Variants in TRAF3IP1 observed in about 807,000 individuals in gnomAD.
TRAF3IP1 encodes the protein TRAF3-interacting protein 1.
In TRAF3IP1, 53 loss-of-function variants were observed where a neutral mutation model predicts 89.9. The observed-to-expected ratio is 0.59, with a 90% CI of 0.47 to 0.74. The LOEUF is 0.74. TRAF3IP1 is among the 30% of genes least tolerant of loss of function. The pLI is 0.00. For synonymous variants in TRAF3IP1, 311 were observed against 322.1 expected, an observed-to-expected ratio of 0.97 and a Z score of 0.37; for missense variants, 806 against 866.1, an observed-to-expected ratio of 0.93 and a Z score of 0.87.
intron 9 of TRAF3IP1, among the ~76,000 whole-genome samples, chr2:238,346,109 G>A (rs144843052): frequency 6.6e-6 from 1 of 152,120 alleles, no homozygotes; most frequent in Non-Finnish European, 1.5e-5. Flanking sequence ...TGTGTCTGCT[G>A]CCTGCCCCCA....
chr2:238,326,471 C>T lies in TRAF3IP1; in HGVS notation c.354+501C>T, dbSNP rs1343347366. ...CCTCTCTCTCTTCCACCTTTTCTCT[C>T]TCTCTCGGTTGCTGTTTCAGTTGTA... On this transcript the variant is annotated intron_variant, in intron 3 of 16. Transcript: ENST00000373327. Among the ~76,000 whole-genome samples the T allele has an allele frequency of 2.6e-5, 4 of 152,122 alleles. No homozygotes were observed. In the South Asian group the frequency reaches 8.3e-4, roughly 32 times the overall value.
At chr2:238,333,913 G>A (rs1167573485) in intron 6 of TRAF3IP1, 47 bp from the exon 7 acceptor site, 23 of 1,448,378 alleles carry the variant, frequency 1.6e-5, no homozygotes, top group Non-Finnish European at 2.1e-5. Flanking sequence ...TTATGATACT[G>A]CTGTGTAATA....
At chr2:238,339,307 G>A (rs1698527890) in intron 8 of TRAF3IP1, among the ~76,000 whole-genome samples, 1 of 152,226 alleles carries the variant, frequency 6.6e-6, no homozygotes, top group South Asian at 2.1e-4. Flanking sequence ...CAGTAGCATG[G>A]GATGGCGGAG....
Position 238,338,383 on chromosome 2 carries a change from C to T in TRAF3IP1, c.1085C>T (p.Ser362Leu), listed in dbSNP as rs776946849. Residue 362 changes from serine (S) to leucine (L), a missense_variant, in exon 8 of 17, where the codon TCA becomes TTA. Ser to Leu is a moderately radical substitution (Grantham distance 145). Transcript: ENST00000373327. ...SVEGRKEDNI[S>L]AKSLDSIVSG... The stretch of plus-strand genomic sequence containing the variant: ...TCAGGAAGGAAGGAGGATAATATTT[C>T]AGCTAAAAGTTTAGACTCCATAGTG... The T allele has an allele frequency of 6.3e-7, 1 of 1,584,570 alleles. No individual in the cohort carries two copies. Among genetic ancestry groups the T allele is most frequent in the Non-Finnish European group, 8.6e-7 (1 of 1,164,584 alleles).
In TRAF3IP1 at chr2:238,379,238, T is replaced by TAG. The variant is rs1700449130; in HGVS notation, c.1690-18221_1690-18220insAG. On this transcript the variant is annotated intron_variant, in intron 15 of 16. Coordinates refer to ENST00000373327, the MANE Select transcript of TRAF3IP1 (RefSeq NM_015650.4). The surrounding 1 kb of genome is among the most constrained non-coding windows in gnomAD (Gnocchi z 4.0). ...AAGTCCCTGCCCACGAGTCTCCTCT[T>TAG]CAGAGAGGCCTTTCCTGTCCACCTA... 6.6e-6 allele frequency among the ~76,000 whole-genome samples: 1 copy of TAG among 152,158 alleles called. No individual in the cohort carries two copies. The highest frequency in any genetic ancestry group is 1.5e-5 in the Non-Finnish European group (1 of 68,020).
rs1456066125 is a variant in TRAF3IP1, at chr2:238,345,972, T to C, written c.1261+1374T>C. ...AGGTAGAGAGTTCACTGTGCTGACTTTCCTTCTGGGTATCGGCCTTGTGGT... is the reference window on the plus strand; with the variant it reads ...AGGTAGAGAGTTCACTGTGCTGACTCTCCTTCTGGGTATCGGCCTTGTGGT... On this transcript the variant is annotated intron_variant, in intron 9 of 16. Coordinates refer to ENST00000373327, the MANE Select transcript of TRAF3IP1 (RefSeq NM_015650.4). The surrounding 1 kb of genome is among the most constrained non-coding windows in gnomAD (Gnocchi z 4.7). Among the ~76,000 whole-genome samples, 1 of 152,138 alleles carries C rather than the reference T, an allele frequency of 6.6e-6. No homozygotes were observed. The highest frequency in any genetic ancestry group is 1.5e-5 in the Non-Finnish European group (1 of 68,018).
chr2:238,334,002 ACATCAAAAC>A lies in TRAF3IP1; in HGVS notation c.1031_1039del (p.Thr344_Lys346del). 2 of 1,611,372 alleles carry A rather than the reference ACATCAAAAC, an allele frequency of 1.2e-6. No individual in the cohort carries two copies. The highest frequency in any genetic ancestry group is 1.7e-6 in the Non-Finnish European group (2 of 1,178,602). On this transcript the variant is annotated inframe_deletion, in exon 7 of 17. Coordinates refer to ENST00000373327, the MANE Select transcript of TRAF3IP1 (RefSeq NM_015650.4). Reference sequence around the variant, plus strand: ...AGCTTCCAAGTCATTGACAACAAAAACATCAAAACGGCGATCCAAAAATTCAGTGGAAGG... The same window carrying A: ...AGCTTCCAAGTCATTGACAACAAAAAGGCGATCCAAAAATTCAGTGGAAGG...
intron 15 of TRAF3IP1, among the ~76,000 whole-genome samples, chr2:238,384,380 G>GTATGTATATA (rs1553619335): frequency 7.7e-5 from 11 of 143,318 alleles, no homozygotes; most frequent in South Asian, 2.3e-4. Context: ...ATGTATGTAT[G>GTATGTATATA]TATATATATA....
chr2:238,399,915 A>C lies in TRAF3IP1; in HGVS notation c.*996A>C, dbSNP rs1286110223. The C allele has an allele frequency of 6.6e-6, 1 of 152,212 alleles. No homozygotes were observed. The highest frequency in any genetic ancestry group is 1.9e-4 in the East Asian group (1 of 5,206). The allele number at this position is 152,212 out of a possible 1,614,324, so 9.4% of individuals were successfully genotyped here. On this transcript the variant is annotated 3_prime_UTR_variant, in exon 17 of 17. Coordinates refer to ENST00000373327, the MANE Select transcript of TRAF3IP1 (RefSeq NM_015650.4). ...ACATGGTTTATAGTTTTTCACTTAC[A>C]TATACTATTGTAAATACTTAGCAGA...
chr2:238,332,650 G>C (rs901501439), intron 5 of TRAF3IP1, among the ~76,000 whole-genome samples, 174 bp from the exon 6 acceptor site: 3 of 152,160 alleles, frequency 2.0e-5, no homozygotes, highest in African/African-American at 7.2e-5. Context: ...AAGACTCTTG[G>C]GGAACGCAGG....
chr2:238,370,797 G>A (rs1409594739), intron 15 of TRAF3IP1, among the ~76,000 whole-genome samples: 1 of 152,214 alleles, frequency 6.6e-6, no homozygotes, highest in Non-Finnish European at 1.5e-5. Flanking sequence ...CAGTTGAACA[G>A]AAGTTAGAAG....
At chr2:238,332,738 C>T (rs962814548) in intron 5 of TRAF3IP1, 86 bp from the exon 6 acceptor site, 2 of 976,436 alleles carry the variant, frequency 2.0e-6, no homozygotes, top group East Asian at 2.5e-5. Flanking sequence ...CACTGTTGGT[C>T]AGTGTTATAG....
At chr2:238,356,182 T>A (rs916996741) in intron 15 of TRAF3IP1, 102 bp downstream of exon 15, 3 of 959,204 alleles carry the variant, frequency 3.1e-6, no homozygotes, top group Admixed American at 2.1e-5. Flanking sequence ...CCATTATCAG[T>A]GATGTCTGTT....
chr2:238,325,426 T>C, intron 2 of TRAF3IP1, 52 bp downstream of exon 2: 1 of 1,580,344 alleles, frequency 6.3e-7, no homozygotes, highest in Middle Eastern at 1.8e-4. Flanking sequence ...ACGGATGGGA[T>C]TTTTTGTAGG....
At chr2:238,340,354 C>T (rs1419404077) in intron 8 of TRAF3IP1, among the ~76,000 whole-genome samples, 1 of 152,162 alleles carries the variant, frequency 6.6e-6, no homozygotes, top group East Asian at 1.9e-4. Flanking sequence ...CTTCTTAGTG[C>T]TTCGAAGAAA....
In TRAF3IP1 at chr2:238,332,838, G is replaced by A; in HGVS notation, c.930G>A (p.Gly310=). Residue 310 remains glycine (G), a synonymous_variant, in exon 6 of 17, where the codon GGG becomes GGA. Coordinates refer to ENST00000373327, the MANE Select transcript of TRAF3IP1 (RefSeq NM_015650.4). ...TTTTTTAATAGTCAGCAAGCTCAGGGGAGATGTCTAAAAAGTTATCAGATG... is the reference window on the plus strand; with the variant it reads ...TTTTTTAATAGTCAGCAAGCTCAGGAGAGATGTCTAAAAAGTTATCAGATG... ...DKPEKKSASS[G]EMSKKLSDGT... The A allele has an allele frequency of 2.5e-6, 4 of 1,612,406 alleles. No individual in the cohort carries two copies. The highest frequency in any genetic ancestry group is 3.4e-6 in the Non-Finnish European group (4 of 1,178,950).
Position 238,368,924 on chromosome 2 carries a change from C to T in TRAF3IP1, c.1689+12844C>T, listed in dbSNP as rs148183958. 2.1e-3 allele frequency among the ~76,000 whole-genome samples: 326 copies of T among 152,274 alleles called. 3 individuals are homozygous for T. Among genetic ancestry groups the T allele is most frequent in the African/African-American group, 5.9e-3 (247 of 41,562 alleles). ...CTGACCTCAGGCGATCCACCCGCCT[C>T]GGCCTCCCAAAGTGCTGGGATTACA... On this transcript the variant is annotated intron_variant, in intron 15 of 16. Transcript: ENST00000373327.
rs185185233 is a variant in TRAF3IP1 at position 238,327,437 on chromosome 2, G to T, written c.355-1249G>T. Among the ~76,000 whole-genome samples, 4 of 152,318 alleles carry T rather than the reference G, an allele frequency of 2.6e-5. No individual in the cohort carries two copies. In the East Asian group the frequency reaches 7.7e-4, roughly 29 times the overall value. ...CGCGGCAATCACGCAGCATGTGCTTGTGGAATGAGTGCGTGAGTCAGTGGG... is the reference window on the plus strand; with the variant it reads ...CGCGGCAATCACGCAGCATGTGCTTTTGGAATGAGTGCGTGAGTCAGTGGG... On this transcript the variant is annotated intron_variant, in intron 3 of 16. Coordinates refer to ENST00000373327, the MANE Select transcript of TRAF3IP1 (RefSeq NM_015650.4).
At chr2:238,347,298 G>A (rs533258600) in intron 9 of TRAF3IP1, 157 bp from the exon 10 acceptor site, 2 of 709,562 alleles carry the variant, frequency 2.8e-6, no homozygotes, top group Non-Finnish European at 4.9e-6. Flanking sequence ...AATGGCAATA[G>A]GGACATTAGA....
Sources: allele counts gnomAD v4.1 joint callset (sites outside exome capture counted in the v4.1 genomes callset), GRCh38; gene constraint gnomAD v4.1.1; non-coding constraint Gnocchi (gnomAD v3.1); transcripts MANE v1.5; gene names NCBI Gene and HGNC (gene_info 2026-07-23, HGNC 2026-07-21).